GPR176: variants seen among roughly 807,000 people sequenced by gnomAD.
GPR176 encodes G-protein coupled receptor 176.
Under a neutral mutation model 35.4 loss-of-function variants are expected in GPR176, and 26 were observed. The ratio of observed to expected loss-of-function variants is 0.74; its 90% CI spans 0.54 to 1.02. The LOEUF is 1.02. Among genes scored for constraint, GPR176 ranks in the 50% least tolerant of loss-of-function variants. The pLI is 0.00. For missense variants in GPR176, 597 were observed against 665.3 expected, an observed-to-expected ratio of 0.90 and a Z score of 1.13; for synonymous variants, 278 against 271.3, an observed-to-expected ratio of 1.02 and a Z score of -0.24.
intron 1 of GPR176, chr15:39,813,187 G>A (rs916410212): frequency 1.3e-5 from 2 of 152,106 alleles, no homozygotes; most frequent in Admixed American, 6.5e-5. Flanking sequence ...GTCATTTAAC[G>A]TTTAGAGTAA....
chr15:39,876,328 C>T (rs910735989), intron 1 of GPR176, among the ~76,000 whole-genome samples: 4 of 152,080 alleles, frequency 2.6e-5, no homozygotes, highest in African/African-American at 9.7e-5. Context: ...TGCTACACTT[C>T]AGGGAGAATT....
intron 1 of GPR176, among the ~76,000 whole-genome samples, chr15:39,822,731 A>T (rs563311770): frequency 2.6e-5 from 4 of 152,234 alleles, no homozygotes; most frequent in African/African-American, 9.6e-5. Context: ...TAAACAATTA[A>T]TAGTTCTTAA....
chr15:39,914,018 C>T (rs1190308584), intron 1 of GPR176, among the ~76,000 whole-genome samples: 2 of 152,152 alleles, frequency 1.3e-5, no homozygotes, highest in Non-Finnish European at 2.9e-5. Flanking sequence ...CGCACTCCAG[C>T]CTGGACAACA....
intron 1 of GPR176, among the ~76,000 whole-genome samples, chr15:39,844,669 T>C (rs1443478506): frequency 6.6e-6 from 1 of 151,824 alleles, no homozygotes; most frequent in Admixed American, 6.6e-5. Flanking sequence ...TAAGTGCCCA[T>C]ACTTTTCCTG....
chr15:39,846,578 TAGTA>T (rs1258956872), intron 1 of GPR176, among the ~76,000 whole-genome samples: 1 of 152,038 alleles, frequency 6.6e-6, no homozygotes, highest in Non-Finnish European at 1.5e-5. Flanking sequence ...CTTTTGAAAA[TAGTA>T]AGCACGACAG....
intron 1 of GPR176, among the ~76,000 whole-genome samples, chr15:39,882,821 G>T (rs925438950): frequency 6.6e-6 from 1 of 152,200 alleles, no homozygotes; most frequent in African/African-American, 2.4e-5. Context: ...AAGCACTGTG[G>T]TTGTCATCAA....
chr15:39,900,792 G>A (rs1423208000), intron 1 of GPR176, among the ~76,000 whole-genome samples: 2 of 152,204 alleles, frequency 1.3e-5, no homozygotes, highest in Non-Finnish European at 2.9e-5. Context: ...CTGACATGGT[G>A]CACATGGTCT....
rs1898920287 is a variant in GPR176 at position 39,802,122 on chromosome 15, G to C, written c.558C>G (p.Ile186Met). Residue 186 changes from isoleucine (I) to methionine (M), a missense_variant, in exon 3 of 3, where the codon ATC (isoleucine) becomes ATG (methionine). By Grantham distance (10) the Ile-to-Met change is conservative. Transcript: ENST00000561100. ...PVFAVTNVAD[I>M]YATSTCTEVW... ...CTTCCGTGCAGGTGGACGTGGCATA[G>C]ATGTCAGCCACATTGGTTACTGCAA... 4 of 1,614,196 alleles carry C rather than the reference G, an allele frequency of 2.5e-6. No individual in the cohort carries two copies. In the East Asian group the frequency reaches 6.7e-5, roughly 27 times the overall value.
At chr15:39,885,377 A>G (rs1009469088) in intron 1 of GPR176, among the ~76,000 whole-genome samples, 1 of 152,266 alleles carries the variant, frequency 6.6e-6, no homozygotes, top group Non-Finnish European at 1.5e-5. Flanking sequence ...GGGAGTAAGA[A>G]GGAAAAATGG....
intron 1 of GPR176, among the ~76,000 whole-genome samples, chr15:39,843,992 A>G (rs1471956908): frequency 6.6e-6 from 1 of 152,178 alleles, no homozygotes; most frequent in Non-Finnish European, 1.5e-5. Flanking sequence ...TAGAAAGAAC[A>G]GGCTTTATAA....
chr15:39,891,024 A>G (rs921077091), intron 1 of GPR176, among the ~76,000 whole-genome samples: 2 of 152,124 alleles, frequency 1.3e-5, no homozygotes, highest in African/African-American at 4.8e-5. Context: ...GATGAGCAAA[A>G]CCTCTTAAAT....
chr15:39,841,515 G>C (rs1177714417), intron 1 of GPR176, among the ~76,000 whole-genome samples: 2 of 152,122 alleles, frequency 1.3e-5, no homozygotes, highest in Non-Finnish European at 1.5e-5. Flanking sequence ...AAGATGACAG[G>C]AAGACCCACA....
intron 2 of GPR176, among the ~76,000 whole-genome samples, chr15:39,804,989 T>C (rs1899102682): frequency 6.6e-6 from 1 of 152,204 alleles, no homozygotes; most frequent in South Asian, 2.1e-4. Flanking sequence ...TGTGAGGTAA[T>C]AGAAATGTTT....
At chr15:39,830,642 C>T (rs1901010604) in intron 1 of GPR176, among the ~76,000 whole-genome samples, 2 of 152,174 alleles carry the variant, frequency 1.3e-5, no homozygotes, top group Non-Finnish European at 2.9e-5. Flanking sequence ...ATTAAAGTGA[C>T]TCTACTCTGT....
At chr15:39,836,480 C>G (rs1448574772) in intron 1 of GPR176, among the ~76,000 whole-genome samples, 1 of 152,152 alleles carries the variant, frequency 6.6e-6, no homozygotes, top group East Asian at 1.9e-4. Context: ...TCCCCAGAAG[C>G]AGATGTTGGC....
At chr15:39,885,079 T>C (rs897316904) in intron 1 of GPR176, among the ~76,000 whole-genome samples, 14 of 152,298 alleles carry the variant, frequency 9.2e-5, no homozygotes, top group Non-Finnish European at 1.8e-4. Context: ...AGTTCTAAGT[T>C]CCCGATCGTT....
intron 1 of GPR176, among the ~76,000 whole-genome samples, chr15:39,872,337 C>A (rs142024826): frequency 6.6e-6 from 1 of 152,052 alleles, no homozygotes; most frequent in Non-Finnish European, 1.5e-5. Flanking sequence ...TAAACATACA[C>A]GATGTGTACA....
At chr15:39,828,794 T>C (rs1422635907) in intron 1 of GPR176, among the ~76,000 whole-genome samples, 1 of 152,184 alleles carries the variant, frequency 6.6e-6, no homozygotes, top group Non-Finnish European at 1.5e-5. Flanking sequence ...TTCACCACAG[T>C]GTGAACTTCA....
intron 1 of GPR176, among the ~76,000 whole-genome samples, chr15:39,899,173 C>T (rs1353517790): frequency 6.6e-6 from 1 of 152,210 alleles, no homozygotes; most frequent in African/African-American, 2.4e-5. Context: ...ACCTTACCTC[C>T]ATTGTGTAGT....
Sources: gnomAD v4.1 joint callset for allele counts (sites outside exome capture counted in the v4.1 genomes callset) on GRCh38, gnomAD v4.1.1 for gene constraint, MANE v1.5 for transcripts, NCBI Gene and HGNC (gene_info 2026-07-23, HGNC 2026-07-21) for gene names.